The following FOXP1 variants were observed in gnomAD, a reference collection of about 807,000 sequenced individuals.
The protein encoded by FOXP1 is forkhead box P1, also known as forkhead box protein P1.
Under a neutral mutation model 98.2 loss-of-function variants are expected in FOXP1, and 15 were observed. That is an observed-to-expected ratio of 0.15 (90% CI 0.10 to 0.24). FOXP1 has a LOEUF of 0.24. Ranked by LOEUF, FOXP1 falls within the 10% of genes least tolerant of loss-of-function variation. FOXP1 has a pLI of 1.00. For synonymous variants in FOXP1, 371 were observed against 314.5 expected, an observed-to-expected ratio of 1.18 and a Z score of -1.90; for missense variants, 633 against 848.5, an observed-to-expected ratio of 0.75 and a Z score of 3.15.
At chr3:71,304,186 T>C (rs924479125) in intron 4 of FOXP1, among the ~76,000 whole-genome samples, 12 of 152,300 alleles carry the variant, frequency 7.9e-5, no homozygotes, top group Admixed American at 5.2e-4. Flanking sequence ...CCCCAGTCGA[T>C]GCTTGCCCAT....
chr3:71,273,571 G>A (rs948203211), intron 5 of FOXP1, among the ~76,000 whole-genome samples: 3 of 152,080 alleles, frequency 2.0e-5, no homozygotes, highest in Admixed American at 6.5e-5. Context: ...GCAGTCCTAC[G>A]CCGCCTCCAT....
At chr3:71,472,404 A>C (rs1032871982) in intron 3 of FOXP1, among the ~76,000 whole-genome samples, 2 of 152,130 alleles carry the variant, frequency 1.3e-5, no homozygotes, top group African/African-American at 4.8e-5. Context: ...GAGAGGATTC[A>C]GTAGAAGTTC....
At chr3:71,056,563 C>T (rs145946925) in intron 7 of FOXP1, among the ~76,000 whole-genome samples, 5 of 152,168 alleles carry the variant, frequency 3.3e-5, no homozygotes, top group Admixed American at 6.5e-5. Flanking sequence ...ATCCTCCAAA[C>T]GGGCTGATCA....
intron 5 of FOXP1, among the ~76,000 whole-genome samples, chr3:71,294,954 C>G (rs985822759): frequency 1.3e-5 from 2 of 152,208 alleles, no homozygotes; most frequent in Non-Finnish European, 2.9e-5. Flanking sequence ...ACGGAAAGAT[C>G]TGCCCAGACA....
chr3:71,324,471 A>G (rs1219309141), intron 4 of FOXP1, among the ~76,000 whole-genome samples: 1 of 152,220 alleles, frequency 6.6e-6, no homozygotes, highest in African/African-American at 2.4e-5. Flanking sequence ...TTGTAGGGAC[A>G]CGGATGAAGG....
At chr3:71,203,938 G>GAGGAAGGA (rs3033228) in intron 5 of FOXP1, among the ~76,000 whole-genome samples, 25,384 of 131,000 alleles carry the variant, frequency 0.19, 2,709 homozygotes, top group Non-Finnish European at 0.21. Context: ...GAAAAGGAAG[G>GAGGAAGGA]AGGAAGGAAG....
At chr3:71,340,449 C>A (rs1340226409) in intron 4 of FOXP1, among the ~76,000 whole-genome samples, 2 of 152,166 alleles carry the variant, frequency 1.3e-5, no homozygotes, top group Non-Finnish European at 2.9e-5. Flanking sequence ...ATGACAGATG[C>A]ACCTGGAGTT....
intron 4 of FOXP1, among the ~76,000 whole-genome samples, chr3:71,340,804 C>A (rs1366389121): frequency 6.6e-6 from 1 of 152,202 alleles, no homozygotes; most frequent in Admixed American, 6.5e-5. Context: ...TAAATGTCTC[C>A]ATCAATGTCA....
chr3:71,303,888 A>T (rs2074057183), intron 4 of FOXP1, among the ~76,000 whole-genome samples: 1 of 152,170 alleles, frequency 6.6e-6, no homozygotes. Context: ...AAAAGGAAGG[A>T]AGAAGCTGCT....
chr3:71,332,258 G>C (rs997180022), intron 4 of FOXP1: 1 of 156,128 alleles, frequency 6.4e-6, no homozygotes, highest in African/African-American at 2.4e-5. Flanking sequence ...AACTCCAGAC[G>C]CGCCGCCTTA....
At chr3:71,565,192 G>T (rs1049481746) in intron 2 of FOXP1, among the ~76,000 whole-genome samples, 1 of 152,152 alleles carries the variant, frequency 6.6e-6, no homozygotes, top group Non-Finnish European at 1.5e-5. Flanking sequence ...GTCCATAGTG[G>T]AGTGTTAGGG....
Position 70,956,732 on chromosome 3 carries a change from G to GGTT in FOXP1, c.*2514_*2515insAAC. Reference sequence around the variant, plus strand: ...GCACATCATGAAGCTGCCTGGAAAAGTTTTTTTTTTTTTTTTTTTTTTTTT... The same window carrying GGTT: ...GCACATCATGAAGCTGCCTGGAAAAGGTTTTTTTTTTTTTTTTTTTTTTTTTTT... On this transcript the variant is annotated 3_prime_UTR_variant, in exon 21 of 21. Coordinates refer to ENST00000649528, the MANE Select transcript of FOXP1 (RefSeq NM_001349338.3). The GGTT allele has an allele frequency of 3.2e-5, 1 of 31,732 alleles. No homozygotes were observed. The highest frequency in any genetic ancestry group is 7.7e-4 in the East Asian group (1 of 1,294). 2.0% of individuals were successfully genotyped at this position (31,732 alleles called of 1,614,324 possible).
intron 5 of FOXP1, among the ~76,000 whole-genome samples, chr3:71,219,526 C>A (rs137925423): frequency 6.6e-6 from 1 of 152,058 alleles, no homozygotes; most frequent in Non-Finnish European, 1.5e-5. Flanking sequence ...TTCTTTTAAC[C>A]GTAAGTTTTA....
At chr3:71,154,615 C>T (rs145099991) in intron 6 of FOXP1, among the ~76,000 whole-genome samples, 2 of 152,346 alleles carry the variant, frequency 1.3e-5, no homozygotes, top group Non-Finnish European at 2.9e-5. Flanking sequence ...AAGAACACGG[C>T]TCTAGAGCTG....
intron 7 of FOXP1, chr3:71,064,693 G>A: frequency 1.7e-6 from 1 of 604,570 alleles, no homozygotes; most frequent in Non-Finnish European, 2.1e-6. Context: ...GGATGAGGAT[G>A]ATTTTTTAAA....
At chr3:71,066,031 T>C (rs2052444803) in intron 7 of FOXP1, among the ~76,000 whole-genome samples, 1 of 151,646 alleles carries the variant, frequency 6.6e-6, no homozygotes, top group Admixed American at 6.6e-5. Flanking sequence ...TTTTTATTCT[T>C]TTTCTCAAAA....
chr3:71,539,391 G>T (rs968524763), intron 2 of FOXP1, among the ~76,000 whole-genome samples: 3 of 150,892 alleles, frequency 2.0e-5, no homozygotes, highest in Non-Finnish European at 2.9e-5. Context: ...AAAGTGCTGG[G>T]ATTACAGGCG....
chr3:70,978,450 G>C (rs1014682643), intron 14 of FOXP1, among the ~76,000 whole-genome samples: 1 of 152,142 alleles, frequency 6.6e-6, no homozygotes, highest in Non-Finnish European at 1.5e-5. Context: ...GTTGGGATAC[G>C]CTGGTGTAGA....
In FOXP1 at chr3:70,957,797, C is replaced by G. The variant is rs1375608498; in HGVS notation, c.*1450G>C. On this transcript the variant is annotated 3_prime_UTR_variant, in exon 21 of 21. Transcript: ENST00000649528. ...AATATTGCATAACAAACTGCAGTAC[C>G]AAATTTGCATATTTGAAATTAACAC... 4.3e-6 allele frequency: 1 copy of G among 233,812 alleles called. No individual in the cohort carries two copies. Among genetic ancestry groups the G allele is most frequent in the African/African-American group, 2.2e-5 (1 of 45,314 alleles). 14.5% of individuals were successfully genotyped at this position (233,812 alleles called of 1,614,324 possible).
Sources: allele counts gnomAD v4.1 joint callset (sites outside exome capture counted in the v4.1 genomes callset), GRCh38; gene constraint gnomAD v4.1.1; transcripts MANE v1.5; gene names NCBI Gene and HGNC (gene_info 2026-07-23, HGNC 2026-07-21).